The following RIMS1 variants were observed in gnomAD, a reference collection of about 807,000 sequenced individuals.
RIMS1 encodes regulating synaptic membrane exocytosis protein 1.
In RIMS1, 83 loss-of-function variants were observed where a neutral mutation model predicts 214.1. That is an observed-to-expected ratio of 0.39 (90% confidence interval 0.32 to 0.47). The LOEUF (loss-of-function observed/expected upper bound fraction) is 0.47, where lower values mean the gene tolerates loss of function less well. Ranked by LOEUF, RIMS1 falls within the 20% of genes least tolerant of loss-of-function variation. The probability of loss-of-function intolerance (pLI) is 0.99; values close to 1 mark genes in which losing one functional copy is unlikely to be tolerated. For synonymous variants in RIMS1, 793 were observed against 786.8 expected, an observed-to-expected ratio of 1.01 and a Z score of -0.13; for missense variants, 2,050 against 2,161.8, an observed-to-expected ratio of 0.95 and a Z score of 1.03.
intron 2 of RIMS1, among the ~76,000 whole-genome samples, chr6:72,006,032 T>G (rs1280409465): frequency 6.6e-6 from 1 of 152,164 alleles, no homozygotes; most frequent in Admixed American, 6.5e-5. Context: ...ACAGCATGGT[T>G]GGGTTCTGGA....
At chr6:72,375,148 G>C (rs373461141) in intron 29 of RIMS1, among the ~76,000 whole-genome samples, 1 of 152,168 alleles carries the variant, frequency 6.6e-6, no homozygotes, top group African/African-American at 2.4e-5. Flanking sequence ...TGACCCTGAG[G>C]TTGGGGACCC....
chr6:72,005,948 T>C (rs1448729529), intron 2 of RIMS1, among the ~76,000 whole-genome samples: 1 of 152,202 alleles, frequency 6.6e-6, no homozygotes, highest in Admixed American at 6.5e-5. Context: ...CAAATTACGA[T>C]AGAGTGGTTG....
chr6:72,152,857 A>G (rs182196239), intron 4 of RIMS1, among the ~76,000 whole-genome samples: 2,062 of 108,678 alleles, frequency 0.019, 3 homozygotes, highest in Non-Finnish European at 0.028. Context: ...GAATATATGT[A>G]TATATATGTA....
chr6:72,167,519 C>A (rs114874944), intron 4 of RIMS1, among the ~76,000 whole-genome samples: 1 of 152,010 alleles, frequency 6.6e-6, no homozygotes, highest in Non-Finnish European at 1.5e-5. Flanking sequence ...TGATATCATT[C>A]GCTCTTTAAA....
intron 4 of RIMS1, among the ~76,000 whole-genome samples, chr6:72,151,713 A>G (rs576684879): frequency 7.9e-5 from 12 of 152,252 alleles, no homozygotes; most frequent in African/African-American, 2.9e-4. Context: ...TCTTTTCCTG[A>G]AATATGTCAT....
chr6:72,266,064 C>G lies in RIMS1; in HGVS notation c.3398+15C>G. The G allele has an allele frequency of 6.5e-7, 1 of 1,527,258 alleles. No individual in the cohort carries two copies. Among genetic ancestry groups the G allele is most frequent in the Non-Finnish European group, 8.9e-7 (1 of 1,122,148 alleles). The allele number at this position is 1,527,258 out of a possible 1,614,324, so 94.6% of individuals were successfully genotyped here. ...GAACGAGAAAGGTATAAAATAAAGACTTTCTTAATTTCTTATCATTTGTAC... is the reference window on the plus strand; with the variant it reads ...GAACGAGAAAGGTATAAAATAAAGAGTTTCTTAATTTCTTATCATTTGTAC... On this transcript the variant is annotated intron_variant, in intron 22 of 33. Coordinates refer to ENST00000521978, the MANE Select transcript of RIMS1 (RefSeq NM_014989.7).
At chr6:72,196,474 G>A (rs1210549595) in intron 6 of RIMS1, among the ~76,000 whole-genome samples, 1 of 150,622 alleles carries the variant, frequency 6.6e-6, no homozygotes, top group Admixed American at 6.7e-5. Flanking sequence ...CAGGCTCTGT[G>A]GTAAGAATTT....
intron 4 of RIMS1, among the ~76,000 whole-genome samples, chr6:72,142,386 C>T (rs1298370179): frequency 6.6e-6 from 1 of 151,976 alleles, no homozygotes; most frequent in Admixed American, 6.6e-5. Flanking sequence ...AAGTGATATT[C>T]TGACAGAAAG....
chr6:71,928,166 A>C (rs1782069674), intron 1 of RIMS1, among the ~76,000 whole-genome samples: 1 of 152,158 alleles, frequency 6.6e-6, no homozygotes, highest in Non-Finnish European at 1.5e-5. Flanking sequence ...TTGCATATAT[A>C]AACAAATTTA....
intron 2 of RIMS1, among the ~76,000 whole-genome samples, chr6:72,075,668 G>A (rs1831643155): frequency 6.6e-6 from 1 of 152,140 alleles, no homozygotes; most frequent in South Asian, 2.1e-4. Flanking sequence ...ATGCTCACCA[G>A]CCCATCTATA....
In RIMS1 at chr6:72,120,912, C is replaced by G. The variant is rs188352005; in HGVS notation, c.471+20926C>G. ...CAGCACCATTTATTAAATAGGGAAT[C>G]GTTTCCCCATTTCTTGTTTTTGTTA... On this transcript the variant is annotated intron_variant, in intron 4 of 33. Transcript: ENST00000521978. 1.1e-4 allele frequency among the ~76,000 whole-genome samples: 17 copies of G among 151,980 alleles called. No homozygotes were observed. In the South Asian group the frequency reaches 2.5e-3, roughly 22 times the overall value.
At chr6:72,184,992 C>G (rs778993861) in intron 6 of RIMS1, among the ~76,000 whole-genome samples, 7 of 152,172 alleles carry the variant, frequency 4.6e-5, no homozygotes, top group Non-Finnish European at 7.3e-5. Flanking sequence ...TTTTCCTGGA[C>G]TAGATACATG....
At chr6:72,214,089 G>A (rs1589234055) in intron 6 of RIMS1, among the ~76,000 whole-genome samples, 1 of 152,104 alleles carries the variant, frequency 6.6e-6, no homozygotes. Flanking sequence ...TACTATGCAT[G>A]AAAGCTCATA....
intron 1 of RIMS1, among the ~76,000 whole-genome samples, chr6:71,924,444 G>A (rs907205834): frequency 2.0e-5 from 3 of 151,826 alleles, no homozygotes; most frequent in African/African-American, 7.3e-5. Flanking sequence ...TTTATCACAA[G>A]TCAATAAAGA....
chr6:72,384,010 A>AT (rs1378895750), intron 29 of RIMS1, among the ~76,000 whole-genome samples: 2 of 151,964 alleles, frequency 1.3e-5, no homozygotes, highest in East Asian at 1.9e-4. Flanking sequence ...TCTTTTATTG[A>AT]TTTTTCCAAT....
At chr6:72,240,643 T>C (rs2066430787) in intron 9 of RIMS1, among the ~76,000 whole-genome samples, 1 of 147,246 alleles carries the variant, frequency 6.8e-6, no homozygotes, top group Non-Finnish European at 1.5e-5. Context: ...TTTTTTTTTT[T>C]TTTTTTTTTA....
chr6:72,299,826 G>T (rs1252502722), intron 26 of RIMS1, among the ~76,000 whole-genome samples: 2 of 151,732 alleles, frequency 1.3e-5, no homozygotes, highest in African/African-American at 4.8e-5. Context: ...ACCAATTTTT[G>T]TGTTTTTCAG....
chr6:72,297,738 G>T (rs561375587), intron 26 of RIMS1, among the ~76,000 whole-genome samples: 2 of 152,098 alleles, frequency 1.3e-5, no homozygotes, highest in Non-Finnish European at 2.9e-5. Context: ...AGAATGCTGC[G>T]CCTCTCCTTA....
intron 2 of RIMS1, among the ~76,000 whole-genome samples, chr6:72,050,971 T>A (rs1824478303): frequency 6.6e-6 from 1 of 152,106 alleles, no homozygotes; most frequent in Non-Finnish European, 1.5e-5. Context: ...AAGAAGCAAT[T>A]ACCAGTTCCC....
Sources: allele counts gnomAD v4.1 joint callset (sites outside exome capture counted in the v4.1 genomes callset), GRCh38; gene constraint gnomAD v4.1.1; transcripts MANE v1.5; gene names NCBI Gene and HGNC (gene_info 2026-07-23, HGNC 2026-07-21).